The following LRRC4C variants were observed in gnomAD, a reference collection of about 807,000 sequenced individuals.
LRRC4C encodes leucine-rich repeat-containing protein 4C.
In LRRC4C, 5 loss-of-function variants were observed where a neutral mutation model predicts 33.6. The observed-to-expected ratio is 0.15, with a 90% CI of 0.08 to 0.31. LRRC4C has a LOEUF of 0.31. LRRC4C is among the 10% of genes least tolerant of loss of function. The pLI is 1.00. For synonymous variants in LRRC4C, 329 were observed against 302.0 expected (o/e 1.09, Z -0.93); for missense variants, 560 against 796.7 (o/e 0.70, Z 3.58).
intron 1 of LRRC4C, among the ~76,000 whole-genome samples, chr11:41,332,648 C>T (rs1951331423): frequency 1.3e-5 from 2 of 152,210 alleles, no homozygotes; most frequent in Non-Finnish European, 2.9e-5. Flanking sequence ...AATTATATTT[C>T]ATAAGTTGTT....
chr11:40,351,039 C>A (rs1011076236), intron 3 of LRRC4C, among the ~76,000 whole-genome samples: 2 of 151,928 alleles, frequency 1.3e-5, no homozygotes, highest in South Asian at 4.1e-4. Flanking sequence ...AACAAAGATA[C>A]TTTTACTTCT....
chr11:40,665,328 A>G (rs1943717267), intron 2 of LRRC4C, among the ~76,000 whole-genome samples: 1 of 6,958 alleles, frequency 1.4e-4, no homozygotes. Flanking sequence ...AAAAAAAAAT[A>G]TATATATATA....
intron 1 of LRRC4C, among the ~76,000 whole-genome samples, chr11:41,336,636 G>A (rs537356351): frequency 6.6e-6 from 1 of 152,300 alleles, no homozygotes; most frequent in Admixed American, 6.5e-5. Context: ...TGAACAAAGA[G>A]GCTTTTAATA....
intron 1 of LRRC4C, among the ~76,000 whole-genome samples, chr11:40,941,981 T>C (rs1958171232): frequency 6.6e-6 from 1 of 152,130 alleles, no homozygotes; most frequent in African/African-American, 2.4e-5. Flanking sequence ...AATAAATTTA[T>C]TGGCAGATAT....
chr11:40,480,192 A>C (rs1176662853), intron 3 of LRRC4C, among the ~76,000 whole-genome samples: 2 of 152,032 alleles, frequency 1.3e-5, no homozygotes, highest in Non-Finnish European at 2.9e-5. Flanking sequence ...AGGAAAAAGC[A>C]GGGGGGCTTC....
At chr11:40,833,641 G>GA (rs1216336829) in intron 2 of LRRC4C, among the ~76,000 whole-genome samples, 21 of 151,802 alleles carry the variant, frequency 1.4e-4, no homozygotes, top group African/African-American at 5.1e-4. Context: ...TTCAGTTATT[G>GA]AAAATGTAAG....
chr11:41,157,035 TC>T (rs1944263466), intron 1 of LRRC4C, among the ~76,000 whole-genome samples: 1 of 151,970 alleles, frequency 6.6e-6, no homozygotes, highest in Non-Finnish European at 1.5e-5. Flanking sequence ...ACAGCATTCC[TC>T]CCCTCTGGAA....
intron 3 of LRRC4C, among the ~76,000 whole-genome samples, chr11:40,413,874 A>G (rs960487817): frequency 6.6e-6 from 1 of 152,080 alleles, no homozygotes; most frequent in Non-Finnish European, 1.5e-5. Context: ...ATAGTAAATC[A>G]TATCAGTGGC....
At chr11:40,646,925 G>C (rs1328534156) in intron 3 of LRRC4C, among the ~76,000 whole-genome samples, 1 of 152,034 alleles carries the variant, frequency 6.6e-6, no homozygotes, top group Non-Finnish European at 1.5e-5. Context: ...CTCTCTTTTT[G>C]GTTGATATTT....
At chr11:40,785,917 GAA>G (rs1407191547) in intron 2 of LRRC4C, among the ~76,000 whole-genome samples, 1 of 152,010 alleles carries the variant, frequency 6.6e-6, no homozygotes, top group African/African-American at 2.4e-5. Context: ...AAAAAAAACG[GAA>G]GTTGAGAAGA....
Position 40,116,279 on chromosome 11 carries a change from A to G in LRRC4C, c.14T>C (p.Met5Thr). 3 of 1,593,804 alleles carry G rather than the reference A, an allele frequency of 1.9e-6. No individual in the cohort carries two copies. The highest frequency in any genetic ancestry group is 2.6e-6 in the Non-Finnish European group (3 of 1,165,758). Residue 5 changes from methionine to threonine, a missense_variant, in exon 7 of 7, where the codon ATG becomes ACG. Around this residue, in one of 3 missense-constraint regions of LRRC4C, gnomAD observed 455 missense variants for 643.8 expected, o/e 0.71. Coordinates refer to ENST00000528697, the MANE Select transcript of LRRC4C (RefSeq NM_001258419.2). MLNK[M>T]TLHPQQIMIG... ...CATTATCTGCTGTGGATGTAAGGTC[A>G]TCTTGTTCAACATTCATAATTTATC...
intron 1 of LRRC4C, among the ~76,000 whole-genome samples, chr11:41,160,371 C>A (rs1469050475): frequency 6.8e-6 from 1 of 147,352 alleles, no homozygotes; most frequent in Non-Finnish European, 1.5e-5. Flanking sequence ...CGTAGCAAGA[C>A]CCTCTTTCTA....
At chr11:40,165,447 C>A (rs147847495) in intron 5 of LRRC4C, among the ~76,000 whole-genome samples, 1 of 152,036 alleles carries the variant, frequency 6.6e-6, no homozygotes, top group Non-Finnish European at 1.5e-5. Flanking sequence ...ATGAAGAAAA[C>A]ACAAATTATC....
chr11:40,397,640 G>C (rs1157125188), intron 3 of LRRC4C, among the ~76,000 whole-genome samples: 1 of 152,220 alleles, frequency 6.6e-6, no homozygotes, highest in East Asian at 1.9e-4. Context: ...AGGACAGAGA[G>C]TTGGGAGAAA....
chr11:40,272,752 G>T (rs1251470751), intron 4 of LRRC4C, among the ~76,000 whole-genome samples: 2 of 151,878 alleles, frequency 1.3e-5, no homozygotes, highest in Non-Finnish European at 2.9e-5. Flanking sequence ...CAAAAATCAC[G>T]TTGGAGGAAA....
intron 4 of LRRC4C, among the ~76,000 whole-genome samples, chr11:40,306,052 G>A (rs1945014785): frequency 6.6e-6 from 1 of 152,118 alleles, no homozygotes. Flanking sequence ...CATTCTCTTT[G>A]AGCAGCTCTT....
Position 41,189,622 on chromosome 11 carries a change from C to G in LRRC4C, c.-495-255899G>C, listed in dbSNP as rs147971200. On this transcript the variant is annotated intron_variant, in intron 1 of 6. Transcript: ENST00000528697. ...AGAAAAAGACTAAAGGAAAGGTTTACTCAGAGGGTATTTTAATTAAGATGA... is the reference window on the plus strand; with the variant it reads ...AGAAAAAGACTAAAGGAAAGGTTTAGTCAGAGGGTATTTTAATTAAGATGA... Among the ~76,000 whole-genome samples, 736 of 152,220 alleles carry G rather than the reference C, an allele frequency of 4.8e-3. 1 individual carries two copies. The highest frequency in any genetic ancestry group is 0.014 in the Middle Eastern group (4 of 294).
intron 1 of LRRC4C, among the ~76,000 whole-genome samples, chr11:41,296,993 A>G (rs772472417): frequency 6.6e-6 from 1 of 152,158 alleles, no homozygotes; most frequent in East Asian, 1.9e-4. Flanking sequence ...ATTTTATTCC[A>G]TTGATTATAA....
intron 4 of LRRC4C, among the ~76,000 whole-genome samples, chr11:40,299,429 C>T (rs899893567): frequency 5.9e-5 from 9 of 152,160 alleles, no homozygotes; most frequent in African/African-American, 1.7e-4. Flanking sequence ...TCTCTAGTAC[C>T]AGCTAGCTTG....
Sources: gnomAD v4.1 joint callset for allele counts (sites outside exome capture counted in the v4.1 genomes callset) on GRCh38, gnomAD v4.1.1 for gene constraint, gnomAD v4.1.1 regional missense constraint, MANE v1.5 for transcripts, NCBI Gene and HGNC (gene_info 2026-07-23, HGNC 2026-07-21) for gene names.